SDK1: variants seen among roughly 807,000 people sequenced by gnomAD.
The protein encoded by SDK1 is sidekick cell adhesion molecule 1.
In SDK1, 157 loss-of-function variants were observed where a neutral mutation model predicts 245.5. That is an observed-to-expected ratio of 0.64 (90% CI 0.56 to 0.73). The LOEUF is 0.73. Among genes scored for constraint, SDK1 ranks in the 30% least tolerant of loss-of-function variants. SDK1 has a pLI of 0.00. For synonymous variants in SDK1, 1,647 were observed against 1,278.5 expected, an observed-to-expected ratio of 1.29 and a Z score of -6.15; for missense variants, 3,583 against 3,002.3, an observed-to-expected ratio of 1.19 and a Z score of -4.52.
At chr7:3,943,813 A>G (rs1780468525) in intron 5 of SDK1, among the ~76,000 whole-genome samples, 1 of 152,154 alleles carries the variant, frequency 6.6e-6, no homozygotes, top group South Asian at 2.1e-4. Context: ...CTATGAGTAA[A>G]GAGGTTCATG....
chr7:4,131,541 AT>A (rs1214733620), intron 27 of SDK1, among the ~76,000 whole-genome samples: 1 of 152,154 alleles, frequency 6.6e-6, no homozygotes, highest in Non-Finnish European at 1.5e-5. Context: ...ACATCCTTTT[AT>A]TTTGATATTG....
Position 3,543,496 on chromosome 7 carries a change from C to T in SDK1, c.299-75584C>T, listed in dbSNP as rs145757073. 2.6e-3 allele frequency among the ~76,000 whole-genome samples: 400 copies of T among 152,304 alleles called. 4 individuals carry two copies. Among genetic ancestry groups the T allele is most frequent in the African/African-American group, 8.8e-3 (364 of 41,568 alleles). Reference sequence around the variant, plus strand: ...GAGACTGCCTTCCTCATGGTCTGCTCGTGGCTGGTAATATCCTTGCAGGGG... The same window carrying T: ...GAGACTGCCTTCCTCATGGTCTGCTTGTGGCTGGTAATATCCTTGCAGGGG... On this transcript the variant is annotated intron_variant, in intron 1 of 44. Transcript: ENST00000404826.
At chr7:4,049,799 C>G (rs1789303138) in intron 18 of SDK1, among the ~76,000 whole-genome samples, 1 of 152,180 alleles carries the variant, frequency 6.6e-6, no homozygotes, top group Admixed American at 6.5e-5. Flanking sequence ...GAGGTCCTCT[C>G]AGGAGAACAC....
chr7:4,200,139 T>G (rs993246298), intron 35 of SDK1, among the ~76,000 whole-genome samples: 3 of 152,112 alleles, frequency 2.0e-5, no homozygotes, highest in African/African-American at 7.2e-5. Context: ...AGATTTCCTC[T>G]GCGTACCTGT....
At chr7:3,810,374 A>C (rs1321404666) in intron 4 of SDK1, among the ~76,000 whole-genome samples, 1 of 152,056 alleles carries the variant, frequency 6.6e-6, no homozygotes, top group Non-Finnish European at 1.5e-5. Flanking sequence ...TAGCAGAAAA[A>C]GTCTTGGCTG....
chr7:3,544,043 A>G (rs993033825), intron 1 of SDK1, among the ~76,000 whole-genome samples: 1 of 152,122 alleles, frequency 6.6e-6, no homozygotes, highest in African/African-American at 2.4e-5. Context: ...TGTAGTTTTT[A>G]TATTTGATTA....
chr7:4,088,381 T>C (rs1378233313), intron 22 of SDK1, among the ~76,000 whole-genome samples: 1 of 152,218 alleles, frequency 6.6e-6, no homozygotes, highest in East Asian at 1.9e-4. Flanking sequence ...TTCTATCATA[T>C]CGAATTGGGA....
At chr7:3,963,103 G>A (rs1268643811) in intron 9 of SDK1, among the ~76,000 whole-genome samples, 1 of 133,582 alleles carries the variant, frequency 7.5e-6, no homozygotes, top group Non-Finnish European at 1.6e-5. Context: ...TGTAACCAGT[G>A]GGTACACCCA....
intron 1 of SDK1, among the ~76,000 whole-genome samples, chr7:3,472,612 C>T (rs1279439948): frequency 6.6e-6 from 1 of 152,154 alleles, no homozygotes; most frequent in Non-Finnish European, 1.5e-5. Flanking sequence ...TATGTCAAGG[C>T]CTGAAATACA....
chr7:3,557,237 C>T (rs966822833), intron 1 of SDK1, among the ~76,000 whole-genome samples: 1 of 152,078 alleles, frequency 6.6e-6, no homozygotes, highest in African/African-American at 2.4e-5. Context: ...GGACACAAAT[C>T]TGTAATATCA....
chr7:3,489,769 G>A (rs1781811390), intron 1 of SDK1, among the ~76,000 whole-genome samples: 1 of 152,222 alleles, frequency 6.6e-6, no homozygotes, highest in Admixed American at 6.5e-5. Context: ...GAATACAGAT[G>A]AGATGGTCCT....
At chr7:3,914,924 G>A (rs879643854) in intron 5 of SDK1, among the ~76,000 whole-genome samples, 3 of 152,198 alleles carry the variant, frequency 2.0e-5, no homozygotes, top group Non-Finnish European at 4.4e-5. Flanking sequence ...CTTAAGTGAC[G>A]GGCAAGACTG....
chr7:3,466,897 T>G (rs541540999), intron 1 of SDK1, among the ~76,000 whole-genome samples: 29 of 151,870 alleles, frequency 1.9e-4, no homozygotes, highest in Admixed American at 5.3e-4. Flanking sequence ...TTTTTAAAGC[T>G]GGAAATATTT....
intron 1 of SDK1, among the ~76,000 whole-genome samples, chr7:3,570,466 G>C (rs543602610): frequency 1.3e-5 from 2 of 152,040 alleles, no homozygotes; most frequent in African/African-American, 2.4e-5. Flanking sequence ...ACGGGTACCC[G>C]TCCACAGCCC....
chr7:3,622,067 C>T (rs1781959214), intron 2 of SDK1, among the ~76,000 whole-genome samples: 1 of 152,144 alleles, frequency 6.6e-6, no homozygotes, highest in African/African-American at 2.4e-5. Context: ...CTAGGCTAAA[C>T]CGTGGTGTCT....
At chr7:3,413,106 C>T (rs1377059021) in intron 1 of SDK1, among the ~76,000 whole-genome samples, 2 of 151,984 alleles carry the variant, frequency 1.3e-5, no homozygotes, top group Non-Finnish European at 1.5e-5. Context: ...ATGGAAGGCC[C>T]CCTGAGGAAG....
intron 4 of SDK1, among the ~76,000 whole-genome samples, chr7:3,785,728 A>G (rs2115017164): frequency 6.6e-6 from 1 of 152,252 alleles, no homozygotes; most frequent in Admixed American, 6.5e-5. Context: ...CTTGCTCATG[A>G]TTATAAGACT....
intron 4 of SDK1, among the ~76,000 whole-genome samples, chr7:3,770,071 T>A (rs1296622663): frequency 6.6e-6 from 1 of 151,718 alleles, no homozygotes; most frequent in Non-Finnish European, 1.5e-5. Context: ...GTGAGGGAGA[T>A]GAGACAGGGC....
chr7:3,459,893 G>A lies in SDK1; in HGVS notation c.298+158009G>A, dbSNP rs79188763. ...GTGTAGGTAAGAGAAGGTATCTCTC[G>A]TGTTTATTGAGGCTTTTCAATATGT... On this transcript the variant is annotated intron_variant, in intron 1 of 44. Transcript: ENST00000404826. Among the ~76,000 whole-genome samples the A allele has an allele frequency of 7.4e-3, 1,134 of 152,246 alleles. 5 individuals are homozygous for A. Among genetic ancestry groups the A allele is most frequent in the Middle Eastern group, 0.017 (5 of 294 alleles).
Sources: allele counts gnomAD v4.1 joint callset (sites outside exome capture counted in the v4.1 genomes callset), GRCh38; gene constraint gnomAD v4.1.1; transcripts MANE v1.5; gene names NCBI Gene and HGNC (gene_info 2026-07-23, HGNC 2026-07-21).